ATP9B: variants seen among roughly 807,000 people sequenced by gnomAD.
ATP9B encodes probable phospholipid-transporting ATPase IIB.
A neutral mutation model predicts 146.1 loss-of-function variants in ATP9B; 110 were observed. The ratio of observed to expected loss-of-function variants is 0.75; its 90% CI spans 0.65 to 0.88. ATP9B has a LOEUF of 0.88. Among genes scored for constraint, ATP9B ranks in the 40% least tolerant of loss-of-function variants. The pLI is 0.00. For synonymous variants in ATP9B, 604 were observed against 569.7 expected, an observed-to-expected ratio of 1.06 and a Z score of -0.86; for missense variants, 1,499 against 1,496.4, an observed-to-expected ratio of 1.00 and a Z score of -0.03.
intron 19 of ATP9B, 66 bp from the exon 20 acceptor site, chr18:79,342,202 T>C: frequency 7.8e-7 from 1 of 1,280,482 alleles, no homozygotes; most frequent in Non-Finnish European, 1.1e-6. Flanking sequence ...TTGTGAATTA[T>C]GTGAGACATC....
chr18:79,302,603 A>G (rs114516695), intron 13 of ATP9B, among the ~76,000 whole-genome samples: 1,884 of 152,330 alleles, frequency 0.012, 21 homozygotes, highest in African/African-American at 0.035. Flanking sequence ...TTTAGGTTAA[A>G]TGAGATCTCT....
At chr18:79,107,627 A>T (rs1270953864) in intron 2 of ATP9B, among the ~76,000 whole-genome samples, 1 of 152,212 alleles carries the variant, frequency 6.6e-6, no homozygotes, top group Non-Finnish European at 1.5e-5. Context: ...CCATAGGGTC[A>T]CTTGCTGGTG....
At chr18:79,092,394 ATAG>A (rs2074400109) in intron 1 of ATP9B, among the ~76,000 whole-genome samples, 1 of 152,218 alleles carries the variant, frequency 6.6e-6, no homozygotes, top group African/African-American at 2.4e-5. Context: ...CATACTGAAC[ATAG>A]TAAAATACAG....
At chr18:79,224,558 T>G (rs1185491153) in intron 11 of ATP9B, among the ~76,000 whole-genome samples, 2 of 152,200 alleles carry the variant, frequency 1.3e-5, no homozygotes, top group African/African-American at 4.8e-5. Flanking sequence ...ATGGATTCCC[T>G]TTGTGGCTAC....
chr18:79,088,467 T>C (rs2074034844), intron 1 of ATP9B, among the ~76,000 whole-genome samples: 1 of 152,260 alleles, frequency 6.6e-6, no homozygotes, highest in Non-Finnish European at 1.5e-5. Context: ...TGTTACTTCA[T>C]AGATCATGTA....
At chr18:79,172,085 C>T (rs968654477) in intron 7 of ATP9B, among the ~76,000 whole-genome samples, 2 of 152,232 alleles carry the variant, frequency 1.3e-5, no homozygotes, top group Non-Finnish European at 2.9e-5. Context: ...GACGGGGTTT[C>T]ACCATGCTGT....
intron 11 of ATP9B, among the ~76,000 whole-genome samples, chr18:79,217,939 T>C (rs2095643089): frequency 1.3e-5 from 2 of 152,222 alleles, no homozygotes; most frequent in South Asian, 4.1e-4. Context: ...CTGACAGCTC[T>C]CTGAGTAGAA....
intron 11 of ATP9B, among the ~76,000 whole-genome samples, chr18:79,242,529 G>A (rs922289512): frequency 1.3e-5 from 2 of 152,168 alleles, no homozygotes; most frequent in African/African-American, 4.8e-5. Context: ...TTGTAGTCTT[G>A]AACATTGCAT....
Position 79,377,293 on chromosome 18 carries a change from G to T in ATP9B, c.3354G>T (p.Ala1118=). The part of the protein sequence containing the change: ...TTVTFLWKVS[A]ITVVSCLPLY... ...TGACCTTCCTGTGGAAAGTGTCGGCGATCACCGTGGTCAGCTGCCTCCCGC... is the reference window on the plus strand; with the variant it reads ...TGACCTTCCTGTGGAAAGTGTCGGCTATCACCGTGGTCAGCTGCCTCCCGC... Residue 1118 remains alanine, a synonymous_variant, in exon 30 of 30, where the codon GCG becomes GCT. Transcript: ENST00000426216. The T allele has an allele frequency of 6.2e-7, 1 of 1,612,432 alleles. No individual in the cohort carries two copies. The highest frequency in any genetic ancestry group is 8.5e-7 in the Non-Finnish European group (1 of 1,180,018).
intron 1 of ATP9B, among the ~76,000 whole-genome samples, chr18:79,072,200 G>A (rs910994879): frequency 6.6e-6 from 1 of 151,606 alleles, no homozygotes; most frequent in African/African-American, 2.4e-5. Context: ...TTCTCGGAGA[G>A]GGGGATTTGG....
intron 5 of ATP9B, among the ~76,000 whole-genome samples, chr18:79,134,542 A>G (rs879383989): frequency 6.6e-6 from 1 of 152,212 alleles, no homozygotes; most frequent in African/African-American, 2.4e-5. Context: ...CCAGATCCAG[A>G]TGAAAGTGCT....
Position 79,096,525 on chromosome 18 carries a change from A to T in ATP9B, c.169A>T (p.Met57Leu), listed in dbSNP as rs774554333. Residue 57 changes from methionine to leucine, a missense_variant, in exon 2 of 30, where the codon ATG becomes TTG. Transcript: ENST00000426216. ...SAHLDEMPLM[M>L]SEEGFENEES... ...GCATTTGGATGAAATGCCACTAATG[A>T]TGTCTGAAGAAGGCTTTGAGAATGA... The T allele has an allele frequency of 1.2e-6, 2 of 1,614,064 alleles. No homozygotes were observed. The highest frequency in any genetic ancestry group is 1.7e-6 in the Non-Finnish European group (2 of 1,179,980).
intron 8 of ATP9B, among the ~76,000 whole-genome samples, chr18:79,188,970 C>CT (rs1267153336): frequency 1.3e-5 from 2 of 151,210 alleles, no homozygotes; most frequent in African/African-American, 4.9e-5. Flanking sequence ...TACAGTATGC[C>CT]TTTAACTAGA....
At chr18:79,276,403 G>A (rs983337383) in intron 12 of ATP9B, among the ~76,000 whole-genome samples, 13 of 152,236 alleles carry the variant, frequency 8.5e-5, no homozygotes, top group African/African-American at 1.4e-4. Flanking sequence ...AAAGTCCAGG[G>A]CATAGTTAGC....
intron 13 of ATP9B, among the ~76,000 whole-genome samples, chr18:79,287,369 T>G (rs995092896): frequency 2.0e-5 from 3 of 152,216 alleles, no homozygotes; most frequent in Non-Finnish European, 2.9e-5. Context: ...GTTGAGGAAT[T>G]TATCCATTTC....
rs114476092 is a variant in ATP9B, at chr18:79,295,545, A to G, written c.1412-8059A>G. Among the ~76,000 whole-genome samples the G allele has an allele frequency of 9.0e-3, 1,370 of 152,330 alleles. 8 individuals are homozygous for G. Among genetic ancestry groups the G allele is most frequent in the African/African-American group, 0.023 (967 of 41,578 alleles). On this transcript the variant is annotated intron_variant, in intron 13 of 29. Transcript: ENST00000426216. ...ACATGGCAAATTCCACATTTGCCAA[A>G]CCTCTCCTCCCATTTTCTTTTTAAA... is the stretch of plus-strand genomic sequence containing the variant.
intron 5 of ATP9B, among the ~76,000 whole-genome samples, chr18:79,141,456 A>G (rs900736046): frequency 2.0e-5 from 3 of 152,192 alleles, no homozygotes; most frequent in Admixed American, 1.3e-4. Flanking sequence ...ATAATACACG[A>G]CTTACTGAGT....
chr18:79,091,899 G>A (rs1213838671), intron 1 of ATP9B, among the ~76,000 whole-genome samples: 1 of 152,056 alleles, frequency 6.6e-6, no homozygotes, highest in Non-Finnish European at 1.5e-5. Flanking sequence ...CACTTGTATT[G>A]GTTTTGCTGT....
Position 79,253,452 on chromosome 18 carries a change from T to C in ATP9B, c.1179T>C (p.Ile393=), listed in dbSNP as rs201477072. ...ALFLALVALS[I]VMVTLQGFVG... The stretch of plus-strand genomic sequence containing the variant: ...TTTTGGCTTTAGTTGCTCTTTCCAT[T>C]GTTATGGTAACCTTACAAGGATTTG... Residue 393 remains isoleucine, a synonymous_variant, in exon 12 of 30, where the codon ATT becomes ATC. Coordinates refer to ENST00000426216, the MANE Select transcript of ATP9B (RefSeq NM_198531.5). 1 of 1,613,828 alleles carries C rather than the reference T, an allele frequency of 6.2e-7. No homozygotes were observed. The highest frequency in any genetic ancestry group is 2.2e-5 in the East Asian group (1 of 44,872).
Sources: gnomAD v4.1 joint callset for allele counts (sites outside exome capture counted in the v4.1 genomes callset) on GRCh38, gnomAD v4.1.1 for gene constraint, MANE v1.5 for transcripts, NCBI Gene and HGNC (gene_info 2026-07-23, HGNC 2026-07-21) for gene names.